Variants in LNP1 observed in about 807,000 individuals in gnomAD.
LNP1 encodes leukemia NUP98 fusion partner 1.
In LNP1, 12 loss-of-function variants were observed where a neutral mutation model predicts 14.5. The observed-to-expected ratio is 0.83, with a 90% CI of 0.53 to 1.34. LNP1 has a LOEUF of 1.34. LNP1 is among the 40% of genes most tolerant of loss of function. The pLI, the probability that LNP1 is intolerant of heterozygous loss-of-function variation, is 0.00. For missense variants in LNP1, 198 were observed against 210.9 expected (o/e 0.94, Z 0.38); for synonymous variants, 75 against 71.4 (o/e 1.05, Z -0.26).
intron 1 of LNP1, among the ~76,000 whole-genome samples, chr3:100,417,371 CTTTTT>C (rs562000656): frequency 6.2e-5 from 4 of 64,624 alleles, no homozygotes; most frequent in East Asian, 1.0e-3. Context: ...TTTCTTTTTT[CTTTTT>C]TTTTTTTTTT....
intron 2 of LNP1, among the ~76,000 whole-genome samples, chr3:100,445,665 G>A (rs1239322471): frequency 6.6e-6 from 1 of 152,104 alleles, no homozygotes; most frequent in Non-Finnish European, 1.5e-5. Context: ...TCATATCAAA[G>A]TTTTTGGTTT....
rs7641299 is a variant in LNP1, at chr3:100,451,709, G to A, written c.157-10G>A. 0.25 allele frequency: 372,474 copies of A among 1,510,392 alleles called. 48,815 individuals are homozygous for A. Among genetic ancestry groups the A allele is most frequent in the Non-Finnish European group, 0.27 (292,475 of 1,086,696 alleles). The allele number at this position is 1,510,392 out of a possible 1,614,324, so 93.6% of individuals were successfully genotyped here. On this transcript the variant is annotated splice_polypyrimidine_tract_variant and intron_variant, in intron 2 of 3. Transcript: ENST00000383693. ...TTTATACTGTAAATTTTTTCATTCTGTATTCTCAGCTTCCTGTGCTTCCCA... is the reference window on the plus strand; with the variant it reads ...TTTATACTGTAAATTTTTTCATTCTATATTCTCAGCTTCCTGTGCTTCCCA...
chr3:100,446,998 G>A (rs950236826), intron 2 of LNP1, among the ~76,000 whole-genome samples: 1 of 141,286 alleles, frequency 7.1e-6, no homozygotes, highest in African/African-American at 3.2e-5. Context: ...TACACTGTTG[G>A]TGGGAGTGTA....
chr3:100,454,572 A>G (rs1239891774), intron 3 of LNP1, among the ~76,000 whole-genome samples: 1 of 152,202 alleles, frequency 6.6e-6, no homozygotes, highest in Non-Finnish European at 1.5e-5. Flanking sequence ...ATGACCAACA[A>G]TGTTAAATTC....
At chr3:100,434,683 C>T (rs1362385988) in intron 2 of LNP1, among the ~76,000 whole-genome samples, 2 of 151,938 alleles carry the variant, frequency 1.3e-5, no homozygotes, top group African/African-American at 2.4e-5. Context: ...CGTGCACCAC[C>T]ATGCCTGGCT....
intron 2 of LNP1, among the ~76,000 whole-genome samples, chr3:100,438,453 A>G (rs1218301394): frequency 1.3e-5 from 2 of 152,006 alleles, no homozygotes; most frequent in African/African-American, 4.8e-5. Context: ...CAATTGATGA[A>G]CCCATGCTGA....
At chr3:100,424,340 T>C (rs1205321309) in intron 1 of LNP1, among the ~76,000 whole-genome samples, 2 of 152,180 alleles carry the variant, frequency 1.3e-5, no homozygotes. Flanking sequence ...TAAGATTTAT[T>C]ATAGTGCAAA....
intron 1 of LNP1, among the ~76,000 whole-genome samples, chr3:100,411,178 A>G (rs1707028499): frequency 6.6e-6 from 1 of 152,216 alleles, no homozygotes; most frequent in African/African-American, 2.4e-5. Context: ...TACAAAAGCC[A>G]TCACCTCTTC....
chr3:100,450,465 C>T (rs1707427708), intron 2 of LNP1, among the ~76,000 whole-genome samples: 1 of 151,932 alleles, frequency 6.6e-6, no homozygotes, highest in African/African-American at 2.4e-5. Flanking sequence ...TCCCGGGTAG[C>T]TGGGACTACA....
intron 1 of LNP1, among the ~76,000 whole-genome samples, chr3:100,423,145 AC>A (rs1387590117): frequency 6.6e-6 from 1 of 151,954 alleles, no homozygotes; most frequent in Non-Finnish European, 1.5e-5. Flanking sequence ...CTGACTCAAA[AC>A]CACTGATGTA....
At chr3:100,425,160 ATTCAAGTTCAGT>A (rs1707180453) in intron 1 of LNP1, among the ~76,000 whole-genome samples, 1 of 152,206 alleles carries the variant, frequency 6.6e-6, no homozygotes, top group Non-Finnish European at 1.5e-5. Context: ...GAAACAAAGA[ATTCAAGTTCAGT>A]TACCCCAATG....
At chr3:100,428,315 C>T (rs543268844) in intron 1 of LNP1, among the ~76,000 whole-genome samples, 101 of 152,054 alleles carry the variant, frequency 6.6e-4, no homozygotes, top group African/African-American at 2.2e-3. Context: ...AGGCAGATCA[C>T]GAGGTCAAGA....
At chr3:100,452,977 GGGTCACTGCCA>G (rs1707474559) in intron 3 of LNP1, among the ~76,000 whole-genome samples, 1 of 152,106 alleles carries the variant, frequency 6.6e-6, no homozygotes, top group South Asian at 2.1e-4. Context: ...GAATAATAAT[GGGTCACTGCCA>G]GGTAGTAGAC....
chr3:100,429,009 T>C (rs1160176715), intron 1 of LNP1, among the ~76,000 whole-genome samples: 4 of 152,240 alleles, frequency 2.6e-5, no homozygotes, highest in Non-Finnish European at 4.4e-5. Context: ...CAATGTTTTA[T>C]GTCTTTACCT....
intron 2 of LNP1, among the ~76,000 whole-genome samples, chr3:100,439,223 A>T (rs1707321213): frequency 6.6e-6 from 1 of 151,714 alleles, no homozygotes; most frequent in Non-Finnish European, 1.5e-5. Flanking sequence ...ATTTATTATT[A>T]TTTTTTTCCT....
intron 2 of LNP1, among the ~76,000 whole-genome samples, chr3:100,430,617 T>C (rs1707234703): frequency 6.6e-6 from 1 of 152,232 alleles, no homozygotes. Context: ...ACAGCAATAA[T>C]ACAGCTTTTC....
At chr3:100,422,699 A>G (rs1489352971) in intron 1 of LNP1, among the ~76,000 whole-genome samples, 2 of 152,110 alleles carry the variant, frequency 1.3e-5, no homozygotes. Flanking sequence ...CCTTTAGCCA[A>G]AATCCTGAAG....
chr3:100,446,546 A>T (rs1390908968), intron 2 of LNP1, among the ~76,000 whole-genome samples: 1 of 152,242 alleles, frequency 6.6e-6, no homozygotes, highest in Non-Finnish European at 1.5e-5. Context: ...ATGGGCAAGG[A>T]CTTCATAACT....
intron 2 of LNP1, among the ~76,000 whole-genome samples, chr3:100,441,917 G>A (rs1482417235): frequency 2.0e-5 from 3 of 151,878 alleles, no homozygotes; most frequent in Admixed American, 6.6e-5. Context: ...CACTCGCCTC[G>A]GCCTCTCAAA....
Sources: gnomAD v4.1 joint callset for allele counts (sites outside exome capture counted in the v4.1 genomes callset) on GRCh38, gnomAD v4.1.1 for gene constraint, MANE v1.5 for transcripts, NCBI Gene and HGNC (gene_info 2026-07-23, HGNC 2026-07-21) for gene names.